The following SLC39A11 variants were observed in gnomAD, a reference collection of about 807,000 sequenced individuals.
The protein encoded by SLC39A11 is solute carrier family 39 member 11.
In SLC39A11, 33 loss-of-function variants were observed where a neutral mutation model predicts 36.1. The observed-to-expected ratio is 0.91, with a 90% CI of 0.69 to 1.22. The LOEUF is 1.22. Ranked by LOEUF, SLC39A11 falls within the 50% of genes most tolerant of loss-of-function variation. The pLI, the probability that SLC39A11 is intolerant of heterozygous loss-of-function variation, is 0.00. For synonymous variants in SLC39A11, 166 were observed against 170.3 expected (o/e 0.97, Z 0.20); for missense variants, 432 against 430.3 (o/e 1.00, Z -0.03).
chr17:72,922,459 G>A (rs780850638), intron 5 of SLC39A11, among the ~76,000 whole-genome samples: 1 of 152,242 alleles, frequency 6.6e-6, no homozygotes, highest in Non-Finnish European at 1.5e-5. Context: ...ATTGACGAAA[G>A]CAGGTCCTGG....
intron 4 of SLC39A11, among the ~76,000 whole-genome samples, chr17:72,967,611 G>A (rs570483259): frequency 3.3e-5 from 5 of 152,204 alleles, no homozygotes; most frequent in South Asian, 2.1e-4. Flanking sequence ...AATCCGTGAC[G>A]AAAAGCTCCA....
intron 5 of SLC39A11, among the ~76,000 whole-genome samples, chr17:72,858,648 T>C (rs1370896796): frequency 6.6e-6 from 1 of 152,226 alleles, no homozygotes; most frequent in Non-Finnish European, 1.5e-5. Flanking sequence ...TCATCTCTGA[T>C]TTCTTTGAGC....
intron 5 of SLC39A11, among the ~76,000 whole-genome samples, chr17:72,920,202 A>G (rs758144629): frequency 4.6e-5 from 7 of 152,042 alleles, no homozygotes; most frequent in African/African-American, 9.7e-5. Flanking sequence ...CCCTGCTGCA[A>G]TCTATCCCAA....
intron 5 of SLC39A11, among the ~76,000 whole-genome samples, chr17:72,907,787 A>G (rs1020247627): frequency 8.5e-5 from 13 of 152,210 alleles, no homozygotes; most frequent in Non-Finnish European, 1.5e-4. Context: ...CACATGACAC[A>G]TGAAACCCAC....
chr17:72,966,003 C>T (rs2086945859), intron 4 of SLC39A11, among the ~76,000 whole-genome samples: 1 of 152,242 alleles, frequency 6.6e-6, no homozygotes. Context: ...TCCAACCCCT[C>T]CCCATAAGTT....
intron 6 of SLC39A11, among the ~76,000 whole-genome samples, chr17:72,769,550 T>TC (rs1348105717): frequency 6.6e-6 from 1 of 152,038 alleles, no homozygotes; most frequent in African/African-American, 2.4e-5. Flanking sequence ...CTTTTTTTTT[T>TC]TTCTTCTTTT....
chr17:73,016,925 T>G (rs970138914), intron 4 of SLC39A11, among the ~76,000 whole-genome samples: 5 of 152,286 alleles, frequency 3.3e-5, no homozygotes, highest in Admixed American at 6.5e-5. Context: ...AGACTCTAGC[T>G]CTCCACTTAA....
intron 6 of SLC39A11, among the ~76,000 whole-genome samples, chr17:72,790,583 G>A (rs1312419899): frequency 6.6e-6 from 1 of 151,724 alleles, no homozygotes; most frequent in Non-Finnish European, 1.5e-5. Flanking sequence ...CCAGGCTGGA[G>A]TGCAGTGGTA....
intron 6 of SLC39A11, among the ~76,000 whole-genome samples, chr17:72,835,750 A>G (rs1433589666): frequency 3.3e-5 from 5 of 152,212 alleles, no homozygotes; most frequent in Admixed American, 3.3e-4. Flanking sequence ...CAGATAACAC[A>G]GTGGGTGGCC....
At chr17:72,749,894 T>C (rs1356955446) in intron 6 of SLC39A11, among the ~76,000 whole-genome samples, 1 of 151,978 alleles carries the variant, frequency 6.6e-6, no homozygotes, top group African/African-American at 2.4e-5. Context: ...AAACACTAGA[T>C]GGAAGTCGTA....
intron 7 of SLC39A11, among the ~76,000 whole-genome samples, chr17:72,716,272 A>C (rs570094651): frequency 2.0e-4 from 31 of 152,230 alleles, no homozygotes; most frequent in African/African-American, 7.5e-4. Context: ...ACACGGAAGA[A>C]AGGAAATTCG....
chr17:72,873,427 G>A (rs1325208810), intron 5 of SLC39A11, among the ~76,000 whole-genome samples: 1 of 149,598 alleles, frequency 6.7e-6, no homozygotes, highest in East Asian at 2.0e-4. Context: ...TATGTGAGGA[G>A]GAGGACTTGA....
chr17:72,780,540 A>C, intron 6 of SLC39A11, among the ~76,000 whole-genome samples: 1 of 145,028 alleles, frequency 6.9e-6, no homozygotes, highest in African/African-American at 2.5e-5. Flanking sequence ...GTGGGGGCAC[A>C]ACTGTGTGTC....
At chr17:73,019,745 G>A (rs1443810162) in intron 4 of SLC39A11, among the ~76,000 whole-genome samples, 1 of 152,068 alleles carries the variant, frequency 6.6e-6, no homozygotes, top group Non-Finnish European at 1.5e-5. Flanking sequence ...AAAATAAATA[G>A]TAAGATGGTA....
intron 4 of SLC39A11, among the ~76,000 whole-genome samples, chr17:72,984,701 C>T (rs995869097): frequency 2.6e-5 from 4 of 152,214 alleles, no homozygotes; most frequent in Admixed American, 2.0e-4. Context: ...AGTGAAGCAA[C>T]GCCTTTTACA....
intron 7 of SLC39A11, among the ~76,000 whole-genome samples, chr17:72,716,996 C>T (rs372685835): frequency 0.023 from 2,563 of 109,650 alleles, 34 homozygotes; most frequent in Non-Finnish European, 0.03. Context: ...TATATATACA[C>T]ACACACACAC....
chr17:72,733,844 AC>A (rs780303789), intron 7 of SLC39A11, among the ~76,000 whole-genome samples: 4 of 142,962 alleles, frequency 2.8e-5, no homozygotes, highest in East Asian at 1.9e-4. Context: ...TGGTGTATGA[AC>A]CCCATAGCAG....
intron 6 of SLC39A11, among the ~76,000 whole-genome samples, chr17:72,742,068 T>C (rs2074731891): frequency 6.6e-6 from 1 of 152,054 alleles, no homozygotes; most frequent in Non-Finnish European, 1.5e-5. Flanking sequence ...CTGGGCATGG[T>C]GGCTCACATC....
intron 4 of SLC39A11, among the ~76,000 whole-genome samples, chr17:73,008,123 GA>G (rs2090288993): frequency 7.0e-6 from 1 of 142,604 alleles, no homozygotes; most frequent in African/African-American, 2.5e-5. Context: ...AAAAGAAAAA[GA>G]AAAAGAAACA....
Sources: allele counts gnomAD v4.1 joint callset (sites outside exome capture counted in the v4.1 genomes callset), GRCh38; gene constraint gnomAD v4.1.1; transcripts MANE v1.5; gene names NCBI Gene and HGNC (gene_info 2026-07-23, HGNC 2026-07-21).